Variants in NRG1 observed in about 807,000 individuals in gnomAD.
NRG1 encodes neuregulin 1.
NRG1 carries 18 observed loss-of-function variants against 63.8 expected under a neutral mutation model. The observed-to-expected ratio is 0.28, with a 90% confidence interval of 0.19 to 0.42. The LOEUF (loss-of-function observed/expected upper bound fraction) is 0.42, where lower values mean the gene tolerates loss of function less well. Ranked by LOEUF, NRG1 falls within the 10% of genes least tolerant of loss-of-function variation. The pLI is 1.00. For missense variants in NRG1, 762 were observed against 814.7 expected (o/e 0.94, Z 0.79); for synonymous variants, 302 against 301.3 (o/e 1.00, Z -0.02).
chr8:31,897,738 G>T (rs561370937), intron 1 of NRG1, among the ~76,000 whole-genome samples: 3 of 152,154 alleles, frequency 2.0e-5, no homozygotes, highest in Middle Eastern at 6.9e-3. Context: ...AAGCTGTCCG[G>T]GCATAGTGGC....
At chr8:32,442,387 T>G (rs1462058681) in intron 1 of NRG1, 1 of 152,190 alleles carries the variant, frequency 6.6e-6, no homozygotes, top group African/African-American at 2.4e-5. Context: ...CTTTGGCACT[T>G]CCCACATCCT....
chr8:31,995,192 A>G (rs1322642412), intron 1 of NRG1, among the ~76,000 whole-genome samples: 4 of 151,968 alleles, frequency 2.6e-5, no homozygotes, highest in Non-Finnish European at 5.9e-5. Flanking sequence ...AATATAAGAA[A>G]TAGCACAGGA....
At chr8:32,516,286 C>G (rs183134668) in intron 1 of NRG1, among the ~76,000 whole-genome samples, 2 of 151,826 alleles carry the variant, frequency 1.3e-5, no homozygotes, top group Admixed American at 1.3e-4. Flanking sequence ...TGTATCATTA[C>G]CATGCTGTTT....
intron 1 of NRG1, among the ~76,000 whole-genome samples, chr8:32,263,755 C>T (rs1344183504): frequency 6.6e-6 from 1 of 152,170 alleles, no homozygotes. Flanking sequence ...TAAATCCCCA[C>T]ACTGTCAATT....
chr8:32,726,917 ATTT>A (rs34397296), intron 5 of NRG1, among the ~76,000 whole-genome samples: 1 of 146,770 alleles, frequency 6.8e-6, no homozygotes. Context: ...CTAAAGATGG[ATTT>A]TTTTTTTTTT....
intron 1 of NRG1, among the ~76,000 whole-genome samples, chr8:32,315,348 T>G (rs1312502522): frequency 6.6e-6 from 1 of 152,222 alleles, no homozygotes; most frequent in African/African-American, 2.4e-5. Context: ...TGGTTTTCTG[T>G]TCCTTATGTT....
At chr8:32,474,632 A>G (rs1450304312) in intron 1 of NRG1, among the ~76,000 whole-genome samples, 2 of 151,658 alleles carry the variant, frequency 1.3e-5, no homozygotes, top group African/African-American at 4.8e-5. Flanking sequence ...AGCTGGGACT[A>G]CAGGCACGTG....
chr8:32,416,667 G>A lies in NRG1; in HGVS notation c.38-179161G>A, dbSNP rs535480918. ...TTTTTGTTTGTTTGTTTGTTTTGTC[G>A]TTGTTGTTTGTTTTTTGTGGTTGTT... On this transcript the variant is annotated intron_variant, in intron 1 of 10. Transcript: ENST00000519301. 5.9e-4 allele frequency among the ~76,000 whole-genome samples: 89 copies of A among 150,638 alleles called. 1 individual carries two copies. The highest frequency in any genetic ancestry group is 5.4e-3 in the South Asian group (26 of 4,808).
chr8:32,647,795 C>T (rs1853967958), intron 5 of NRG1: 2 of 1,613,818 alleles, frequency 1.2e-6, no homozygotes, highest in South Asian at 1.1e-5. Context: ...TGAGTGCAGA[C>T]CCATCTCTTG....
intron 1 of NRG1, among the ~76,000 whole-genome samples, chr8:32,592,235 A>G (rs1328100623): frequency 1.3e-5 from 2 of 152,118 alleles, no homozygotes; most frequent in South Asian, 4.1e-4. Context: ...GATATTGTCT[A>G]AGAACAAGGA....
chr8:32,035,781 CT>C (rs1213702118), intron 1 of NRG1, among the ~76,000 whole-genome samples: 2 of 152,038 alleles, frequency 1.3e-5, no homozygotes, highest in African/African-American at 4.8e-5. Flanking sequence ...CTGTTTTCCA[CT>C]TGCTTGGTAA....
At chr8:32,396,307 G>T in intron 1 of NRG1, among the ~76,000 whole-genome samples, 1 of 152,192 alleles carries the variant, frequency 6.6e-6, no homozygotes, top group East Asian at 1.9e-4. Context: ...CGAATGTGAA[G>T]ATCAACTTGG....
intron 1 of NRG1, among the ~76,000 whole-genome samples, chr8:31,744,944 TG>T (rs1244787695): frequency 2.0e-5 from 3 of 151,910 alleles, no homozygotes; most frequent in Non-Finnish European, 4.4e-5. Flanking sequence ...TTTAACAAAA[TG>T]GGGACCTTAA....
At chr8:32,702,251 C>T (rs941867260) in intron 5 of NRG1, among the ~76,000 whole-genome samples, 1 of 152,224 alleles carries the variant, frequency 6.6e-6, no homozygotes, top group African/African-American at 2.4e-5. Context: ...TAGGACATCA[C>T]TCTCATGTAT....
At chr8:32,224,160 AGT>A (rs1846094182) in intron 1 of NRG1, among the ~76,000 whole-genome samples, 1 of 152,186 alleles carries the variant, frequency 6.6e-6, no homozygotes, top group African/African-American at 2.4e-5. Context: ...AAGGAGGAAG[AGT>A]CTGTGGAAGC....
At chr8:32,506,632 A>C (rs1828562903) in intron 1 of NRG1, among the ~76,000 whole-genome samples, 1 of 152,162 alleles carries the variant, frequency 6.6e-6, no homozygotes, top group African/African-American at 2.4e-5. Context: ...TTCTCCTGCC[A>C]ATCTAAATTT....
At chr8:32,333,729 G>T (rs16879139) in intron 1 of NRG1, among the ~76,000 whole-genome samples, 13 of 152,036 alleles carry the variant, frequency 8.6e-5, no homozygotes, top group African/African-American at 3.1e-4. Flanking sequence ...ACAATGGAAC[G>T]TTATAAAACC....
At chr8:31,957,773 G>T (rs1173889321) in intron 1 of NRG1, among the ~76,000 whole-genome samples, 2 of 152,116 alleles carry the variant, frequency 1.3e-5, no homozygotes, top group African/African-American at 4.8e-5. Flanking sequence ...TGTAGACTAG[G>T]AAAGCATTCA....
chr8:32,194,072 T>C (rs1446042815), intron 1 of NRG1, among the ~76,000 whole-genome samples: 1 of 152,230 alleles, frequency 6.6e-6, no homozygotes, highest in Non-Finnish European at 1.5e-5. Context: ...GCTTGGTGAC[T>C]CAACTCTTAT....
Sources: allele counts gnomAD v4.1 joint callset (sites outside exome capture counted in the v4.1 genomes callset), GRCh38; gene constraint gnomAD v4.1.1; transcripts MANE v1.5; gene names NCBI Gene and HGNC (gene_info 2026-07-23, HGNC 2026-07-21).